The following SSBP2 variants were observed in gnomAD, a reference collection of about 807,000 sequenced individuals.
SSBP2 encodes single-stranded DNA-binding protein 2.
Under a neutral mutation model 61.8 loss-of-function variants are expected in SSBP2, and 17 were observed. The ratio of observed to expected loss-of-function variants is 0.28; its 90% CI spans 0.19 to 0.41. The LOEUF is 0.41. Among genes scored for constraint, SSBP2 ranks in the 10% least tolerant of loss-of-function variants. The pLI is 1.00. For missense variants in SSBP2, 310 were observed against 458.7 expected (o/e 0.68, Z 2.96); for synonymous variants, 139 against 141.3 (o/e 0.98, Z 0.12).
At chr5:81,476,294 C>T (rs143116414) in intron 6 of SSBP2, among the ~76,000 whole-genome samples, 138 of 152,240 alleles carry the variant, frequency 9.1e-4, no homozygotes, top group African/African-American at 3.2e-3. Context: ...ATTAATTTTG[C>T]CATTTGTCTC....
chr5:81,559,297 G>C (rs1320588303), intron 4 of SSBP2, among the ~76,000 whole-genome samples: 1 of 150,830 alleles, frequency 6.6e-6, no homozygotes, highest in Non-Finnish European at 1.5e-5. Flanking sequence ...TGTGTCAGGA[G>C]AATTGCTGGA....
At chr5:81,494,491 G>A (rs761066819) in intron 5 of SSBP2, among the ~76,000 whole-genome samples, 13 of 152,172 alleles carry the variant, frequency 8.5e-5, no homozygotes, top group Non-Finnish European at 1.8e-4. Context: ...TAAGTCATGA[G>A]GGTGGAGCCT....
At chr5:81,543,221 TAA>T (rs1264911947) in intron 4 of SSBP2, among the ~76,000 whole-genome samples, 4 of 152,278 alleles carry the variant, frequency 2.6e-5, no homozygotes, top group Non-Finnish European at 5.9e-5. Context: ...ACCACGATTG[TAA>T]GTTTCCTGAG....
At chr5:81,633,397 T>C (rs1175128337) in intron 3 of SSBP2, among the ~76,000 whole-genome samples, 2 of 152,122 alleles carry the variant, frequency 1.3e-5, no homozygotes, top group African/African-American at 4.8e-5. Context: ...ATTACAGGCA[T>C]GAGCCACCAT....
At chr5:81,434,074 T>C (rs1266794798) in intron 15 of SSBP2, among the ~76,000 whole-genome samples, 1 of 152,242 alleles carries the variant, frequency 6.6e-6, no homozygotes, top group Non-Finnish European at 1.5e-5. Context: ...AAGCAAACTA[T>C]GCCTATGAGA....
At chr5:81,682,445 C>A (rs1484147026) in intron 1 of SSBP2, among the ~76,000 whole-genome samples, 1 of 152,110 alleles carries the variant, frequency 6.6e-6, no homozygotes, top group Non-Finnish European at 1.5e-5. Flanking sequence ...CAATTACATC[C>A]ATACATGTAG....
chr5:81,547,036 C>CAA (rs61254614), intron 4 of SSBP2, among the ~76,000 whole-genome samples: 13,570 of 53,648 alleles, frequency 0.25, 2,159 homozygotes, highest in Middle Eastern at 0.33. Flanking sequence ...AAATCTTGGC[C>CAA]AAAAAAAAAA....
chr5:81,495,090 A>G (rs1369394695), intron 5 of SSBP2, among the ~76,000 whole-genome samples: 1 of 152,094 alleles, frequency 6.6e-6, no homozygotes, highest in Non-Finnish European at 1.5e-5. Context: ...TTGATCTTTC[A>G]TAAGCCCTTA....
chr5:81,748,626 C>T (rs1180237549), intron 1 of SSBP2, among the ~76,000 whole-genome samples: 1 of 152,192 alleles, frequency 6.6e-6, no homozygotes, highest in Non-Finnish European at 1.5e-5. Flanking sequence ...TCTCCAAAAG[C>T]GGCCTCTTCA....
chr5:81,521,963 T>C (rs1020103955), intron 4 of SSBP2, among the ~76,000 whole-genome samples: 2 of 152,010 alleles, frequency 1.3e-5, no homozygotes, highest in African/African-American at 2.4e-5. Context: ...AGTACACTTG[T>C]AGAAATCACA....
chr5:81,645,238 G>A (rs1053437843), intron 2 of SSBP2, among the ~76,000 whole-genome samples: 1 of 152,088 alleles, frequency 6.6e-6, no homozygotes. Context: ...ATACTATATT[G>A]CCTCAAAATT....
chr5:81,536,363 T>TA (rs1770799823), intron 4 of SSBP2, among the ~76,000 whole-genome samples: 1 of 152,136 alleles, frequency 6.6e-6, no homozygotes, highest in Admixed American at 6.6e-5. Flanking sequence ...ACAGGTTTGT[T>TA]AGATAGGTAA....
chr5:81,631,932 G>A (rs539559445), intron 3 of SSBP2, among the ~76,000 whole-genome samples: 1 of 152,206 alleles, frequency 6.6e-6, no homozygotes, highest in East Asian at 1.9e-4. Context: ...GAATCCACAT[G>A]TTTTCCTTTC....
chr5:81,725,551 T>C (rs935632042), intron 1 of SSBP2, among the ~76,000 whole-genome samples: 1 of 152,088 alleles, frequency 6.6e-6, no homozygotes, highest in African/African-American at 2.4e-5. Flanking sequence ...TAAGAGGACA[T>C]GTATGAAAAT....
chr5:81,482,745 C>T (rs535655080), intron 6 of SSBP2, among the ~76,000 whole-genome samples: 48 of 152,238 alleles, frequency 3.2e-4, no homozygotes, highest in Middle Eastern at 3.4e-3. Context: ...GGCTGTTTTG[C>T]TTTCTTATCA....
chr5:81,726,010 T>C (rs965883110), intron 1 of SSBP2, among the ~76,000 whole-genome samples: 52 of 152,168 alleles, frequency 3.4e-4, no homozygotes, highest in African/African-American at 1.0e-3. Flanking sequence ...TTATATAAAT[T>C]AAAAATATGT....
At chr5:81,432,256 A>G (rs1762339777) in intron 15 of SSBP2, among the ~76,000 whole-genome samples, 1 of 152,052 alleles carries the variant, frequency 6.6e-6, no homozygotes, top group South Asian at 2.1e-4. Flanking sequence ...TCCCTTGTGA[A>G]TGGTGTAGGA....
chr5:81,601,495 A>G (rs1332841091), intron 4 of SSBP2, among the ~76,000 whole-genome samples: 1 of 152,212 alleles, frequency 6.6e-6, no homozygotes, highest in East Asian at 1.9e-4. Flanking sequence ...ATCGAGGTCA[A>G]TATCCTGGTA....
At position 81,562,490 on chromosome 5, in the gene SSBP2, C is replaced by A. The variant is rs116127285; in HGVS notation, c.283-48773G>T. Among the ~76,000 whole-genome samples, 879 of 152,100 alleles carry A rather than the reference C, an allele frequency of 5.8e-3. 6 individuals are homozygous for A. The highest frequency in any genetic ancestry group is 0.02 in the African/African-American group (823 of 41,516). ...ACACTAAAAACAACCAAACAGAAAT[C>A]AAAACAAACAAACCATAAGAACAAT... is the stretch of plus-strand genomic sequence containing the variant. On this transcript the variant is annotated intron_variant, in intron 4 of 16. Transcript: ENST00000320672.
Sources: gnomAD v4.1 joint callset for allele counts (sites outside exome capture counted in the v4.1 genomes callset) on GRCh38, gnomAD v4.1.1 for gene constraint, MANE v1.5 for transcripts, NCBI Gene and HGNC (gene_info 2026-07-23, HGNC 2026-07-21) for gene names.